The following ARPC2 variants were observed in gnomAD, a reference collection of about 807,000 sequenced individuals.
ARPC2 encodes actin related protein 2/3 complex subunit 2, also known as actin-related protein 2/3 complex subunit 2.
Under a neutral mutation model 38.6 loss-of-function variants are expected in ARPC2, and 4 were observed. The ratio of observed to expected loss-of-function variants is 0.10; its 90% CI spans 0.05 to 0.24. ARPC2 has a LOEUF of 0.24. Ranked by LOEUF, ARPC2 falls within the 10% of genes least tolerant of loss-of-function variation. The pLI, the probability that ARPC2 is intolerant of heterozygous loss-of-function variation, is 1.00. For missense variants in ARPC2, 229 were observed against 387.3 expected (o/e 0.59, Z 3.43); for synonymous variants, 125 against 140.8 (o/e 0.89, Z 0.79).
chr2:218,226,150 G>A (rs1247150672), intron 3 of ARPC2, among the ~76,000 whole-genome samples, 196 bp downstream of exon 3: 1 of 151,882 alleles, frequency 6.6e-6, no homozygotes, highest in African/African-American at 2.4e-5. Context: ...AAAATTAGCC[G>A]GGCATGGTGG....
At position 218,254,189 on chromosome 2, in the gene ARPC2, A is replaced by C. The variant is rs1235970680; in HGVS notation, c.*274A>C. ...CCCTCCCTCACTTCCCTTTTCTCCC[A>C]CCCTCTTTTCCAAGCTGTTTCGCTT... On this transcript the variant is annotated 3_prime_UTR_variant, in exon 11 of 11. Coordinates refer to ENST00000315717, the MANE Select transcript of ARPC2 (RefSeq NM_152862.3). The C allele has an allele frequency of 2.4e-6, 1 of 423,684 alleles. No homozygotes were observed. The highest frequency in any genetic ancestry group is 3.4e-5 in the South Asian group (1 of 29,092). The allele number at this position is 423,684 out of a possible 1,614,324, so 26.2% of individuals were successfully genotyped here. A position where few individuals can be genotyped will look rare whatever the true frequency, so the allele number is the denominator to read the frequency against.
chr2:218,240,727 T>TA (rs200073217), intron 7 of ARPC2, among the ~76,000 whole-genome samples: 62,011 of 151,562 alleles, frequency 0.41, 14,760 homozygotes, highest in South Asian at 0.61. Flanking sequence ...CCGTCTCTAC[T>TA]AAAAAAATAC....
chr2:218,223,287 A>G (rs1263967622), intron 2 of ARPC2, among the ~76,000 whole-genome samples: 3 of 152,332 alleles, frequency 2.0e-5, no homozygotes, highest in African/African-American at 7.2e-5. Flanking sequence ...TAGCATATCT[A>G]CAGTGTGTAC....
At chr2:218,249,961 G>T in intron 10 of ARPC2, 40 bp downstream of exon 10, 1 of 1,510,738 alleles carries the variant, frequency 6.6e-7, no homozygotes, top group Non-Finnish European at 9.0e-7. Context: ...TTCCTCTCCT[G>T]AGTCACCGAG....
At chr2:218,223,212 A>C (rs1011629892) in intron 2 of ARPC2, among the ~76,000 whole-genome samples, 1 of 152,218 alleles carries the variant, frequency 6.6e-6, no homozygotes, top group Non-Finnish European at 1.5e-5. Flanking sequence ...TAAATTGTGC[A>C]CCATTCTGAG....
At chr2:218,245,894 G>C (rs888902981) in intron 8 of ARPC2, among the ~76,000 whole-genome samples, 1 of 152,124 alleles carries the variant, frequency 6.6e-6, no homozygotes, top group African/African-American at 2.4e-5. Flanking sequence ...TCCTTAGGTT[G>C]CTGGTTCGAT....
Position 218,240,674 on chromosome 2 carries a change from G to A in ARPC2, c.549+1190G>A, listed in dbSNP as rs190434673. On this transcript the variant is annotated intron_variant, in intron 7 of 10. Coordinates refer to ENST00000315717, the MANE Select transcript of ARPC2 (RefSeq NM_152862.3). ...TGGGAGGCCGAGGTGGGCGGATCAC[G>A]AGGTCAAGAGGTCAAGACCATCCTG... is the stretch of plus-strand genomic sequence containing the variant. Among the ~76,000 whole-genome samples, 680 of 152,078 alleles carry A rather than the reference G, an allele frequency of 4.5e-3. 8 individuals are homozygous for A. Among genetic ancestry groups the A allele is most frequent in the African/African-American group, 0.015 (632 of 41,496 alleles).
At chr2:218,226,522 C>T (rs1382615434) in intron 3 of ARPC2, among the ~76,000 whole-genome samples, 3 of 149,636 alleles carry the variant, frequency 2.0e-5, no homozygotes, top group East Asian at 2.0e-4. Context: ...CCAGCTACTC[C>T]GGAGGCCGAG....
rs545106803 is a variant in ARPC2, at chr2:218,235,280, A to G, written c.268+883A>G. The G allele has an allele frequency of 2.5e-4, 40 of 161,998 alleles. No individual in the cohort carries two copies. The South Asian group carries it at 5.2e-3, about 21-fold the overall frequency. The allele number at this position is 161,998 out of a possible 1,614,324, so 10.0% of individuals were successfully genotyped here. ...CTCCTCCAAATCTTGGGCTCAAGCA[A>G]TCCTCCCGCTTTAGCCTCTCCGGTA... On this transcript the variant is annotated intron_variant, in intron 5 of 10. Transcript: ENST00000315717.
intron 5 of ARPC2, chr2:218,234,684 T>A (rs1174275025): frequency 1.2e-5 from 6 of 486,314 alleles, no homozygotes; most frequent in Non-Finnish European, 7.5e-6. Flanking sequence ...CACATTTGTT[T>A]GTTCATGGTG....
chr2:218,233,860 A>T (rs1689702768), intron 4 of ARPC2: 2 of 152,980 alleles, frequency 1.3e-5, no homozygotes, highest in South Asian at 4.1e-4. Flanking sequence ...CTAAAAAAGG[A>T]TGAGCTTTGA....
chr2:218,222,862 C>T lies in ARPC2; in HGVS notation c.75-3058C>T, dbSNP rs115902830. ...GGGGTAGATATTGAATAAGTAACTA[C>T]TACATATTAAGTAAGCACCGTGCAG... On this transcript the variant is annotated intron_variant, in intron 2 of 10. Coordinates refer to ENST00000315717, the MANE Select transcript of ARPC2 (RefSeq NM_152862.3). Among the ~76,000 whole-genome samples, 1,047 of 152,252 alleles carry T rather than the reference C, an allele frequency of 6.9e-3. 12 individuals carry two copies. The highest frequency in any genetic ancestry group is 0.023 in the African/African-American group (950 of 41,540).
chr2:218,224,742 A>G (rs972531826), intron 2 of ARPC2, among the ~76,000 whole-genome samples: 5 of 152,230 alleles, frequency 3.3e-5, no homozygotes, highest in Non-Finnish European at 4.4e-5. Flanking sequence ...TATGATTCGT[A>G]TAGGTTGATT....
In ARPC2 at chr2:218,226,097, AC is replaced by A. The variant is rs1689489476; in HGVS notation, c.109+144del. 7.7e-6 allele frequency: 6 copies of A among 781,888 alleles called. No homozygotes were observed. The South Asian group carries it at 9.0e-5, about 12-fold the overall frequency. 48.4% of individuals were successfully genotyped at this position (781,888 alleles called of 1,614,324 possible). On this transcript the variant is annotated intron_variant, in intron 3 of 10. Coordinates refer to ENST00000315717, the MANE Select transcript of ARPC2 (RefSeq NM_152862.3). ...ATCACCTGATGTCAAGAGTTAAAGAACAGCCTGGCAAACATGGTGAAACCCC... is the reference window on the plus strand; with the variant it reads ...ATCACCTGATGTCAAGAGTTAAAGAAAGCCTGGCAAACATGGTGAAACCCC...
intron 5 of ARPC2, 31 bp from the exon 6 acceptor site, chr2:218,238,631 GTT>G (rs763231291): frequency 3.7e-6 from 3 of 807,648 alleles, no homozygotes; most frequent in Non-Finnish European, 5.4e-6. Flanking sequence ...CTGCTGGGTT[GTT>G]TTTTGTTTCT....
At chr2:218,238,351 A>G (rs942412880) in intron 5 of ARPC2, among the ~76,000 whole-genome samples, 4 of 152,186 alleles carry the variant, frequency 2.6e-5, no homozygotes, top group Non-Finnish European at 5.9e-5. Context: ...CATATTTGTA[A>G]TTAGTCATCT....
At chr2:218,222,861 A>G (rs763409908) in intron 2 of ARPC2, among the ~76,000 whole-genome samples, 9 of 152,156 alleles carry the variant, frequency 5.9e-5, no homozygotes, top group Non-Finnish European at 1.2e-4. Flanking sequence ...ATAAGTAACT[A>G]CTACATATTA....
intron 10 of ARPC2, chr2:218,252,918 G>A (rs1384382211): frequency 2.2e-6 from 1 of 456,680 alleles, no homozygotes; most frequent in Non-Finnish European, 4.4e-6. Context: ...CTTAGAAAGA[G>A]CAACTTTGCC....
intron 2 of ARPC2, among the ~76,000 whole-genome samples, chr2:218,220,591 AT>A (rs934353970): frequency 2.0e-5 from 3 of 151,158 alleles, no homozygotes; most frequent in African/African-American, 7.3e-5. Context: ...AGTTGCATTA[AT>A]TTTCCATTTG....
Sources: gnomAD v4.1 joint callset for allele counts (sites outside exome capture counted in the v4.1 genomes callset) on GRCh38, gnomAD v4.1.1 for gene constraint, MANE v1.5 for transcripts, NCBI Gene and HGNC (gene_info 2026-07-23, HGNC 2026-07-21) for gene names.